The following CARMIL1 variants were observed in gnomAD, a reference collection of about 807,000 sequenced individuals.
CARMIL1 encodes the protein F-actin-uncapping protein LRRC16A.
Under a neutral mutation model 177.1 loss-of-function variants are expected in CARMIL1, and 90 were observed. The observed-to-expected ratio is 0.51, with a 90% CI of 0.43 to 0.61. The LOEUF (loss-of-function observed/expected upper bound fraction) is 0.61. Among genes scored for constraint, CARMIL1 ranks in the 20% least tolerant of loss-of-function variants. The pLI is 0.00. For synonymous variants in CARMIL1, 577 were observed against 606.2 expected (o/e 0.95, Z 0.71); for missense variants, 1,380 against 1,667.0 (o/e 0.83, Z 3.00).
chr6:25,484,765 T>G (rs1231279830), intron 12 of CARMIL1, among the ~76,000 whole-genome samples: 1 of 152,232 alleles, frequency 6.6e-6, no homozygotes, highest in Non-Finnish European at 1.5e-5. Flanking sequence ...GTTTTCTGTT[T>G]ATAGTGTTAA....
chr6:25,454,619 A>G (rs1276425079), intron 8 of CARMIL1, among the ~76,000 whole-genome samples: 3 of 151,988 alleles, frequency 2.0e-5, no homozygotes, highest in African/African-American at 2.4e-5. Flanking sequence ...ACTAAATATT[A>G]AAAAATAGAT....
intron 2 of CARMIL1, among the ~76,000 whole-genome samples, chr6:25,343,045 G>C (rs1471195998): frequency 1.3e-5 from 2 of 152,134 alleles, no homozygotes; most frequent in Admixed American, 6.5e-5. Context: ...GTTTCTTCTT[G>C]TTCTGATGTT....
intron 29 of CARMIL1, chr6:25,563,417 T>C: frequency 1.0e-6 from 1 of 985,308 alleles, no homozygotes; most frequent in Non-Finnish European, 1.2e-6. Flanking sequence ...TGTCTGTATA[T>C]ATGTATGTGA....
At chr6:25,550,372 G>A (rs546631224) in intron 26 of CARMIL1, among the ~76,000 whole-genome samples, 4 of 152,180 alleles carry the variant, frequency 2.6e-5, no homozygotes, top group South Asian at 4.2e-4. Context: ...CTTACCTAAA[G>A]CTTTTCTTTT....
At chr6:25,588,725 G>C (rs1299002422) in intron 31 of CARMIL1, among the ~76,000 whole-genome samples, 2 of 152,174 alleles carry the variant, frequency 1.3e-5, no homozygotes, top group East Asian at 3.8e-4. Context: ...AATTTGCATA[G>C]AGGAGTGGAA....
chr6:25,603,787 C>CT (rs1048636520), intron 33 of CARMIL1, among the ~76,000 whole-genome samples: 12 of 152,042 alleles, frequency 7.9e-5, no homozygotes, highest in African/African-American at 2.2e-4. Context: ...CTTTGTATAT[C>CT]TTTTTTTTGT....
chr6:25,496,216 G>T (rs1326113955), intron 16 of CARMIL1, among the ~76,000 whole-genome samples: 1 of 152,058 alleles, frequency 6.6e-6, no homozygotes, highest in Admixed American at 6.5e-5. Context: ...GGTGGCTCAC[G>T]CCTGTAATCT....
intron 3 of CARMIL1, among the ~76,000 whole-genome samples, chr6:25,421,512 T>A (rs1001551589): frequency 3.3e-5 from 5 of 152,140 alleles, no homozygotes; most frequent in African/African-American, 1.2e-4. Context: ...GACCCAGCCA[T>A]CGCATTACTG....
intron 2 of CARMIL1, among the ~76,000 whole-genome samples, chr6:25,303,832 G>A (rs900754301): frequency 6.6e-6 from 1 of 152,190 alleles, no homozygotes; most frequent in African/African-American, 2.4e-5. Flanking sequence ...TGTTTGTAAA[G>A]GACACGTAAG....
At chr6:25,376,060 G>A (rs927240017) in intron 2 of CARMIL1, among the ~76,000 whole-genome samples, 7 of 152,216 alleles carry the variant, frequency 4.6e-5, no homozygotes, top group Admixed American at 6.5e-5. Context: ...ATAGAACCCC[G>A]TTTTGTCATA....
intron 2 of CARMIL1, among the ~76,000 whole-genome samples, chr6:25,384,324 C>T (rs1482939927): frequency 3.3e-5 from 5 of 152,256 alleles, no homozygotes; most frequent in African/African-American, 7.2e-5. Flanking sequence ...AGCGTTGATG[C>T]TCAGATCCCT....
intron 5 of CARMIL1, among the ~76,000 whole-genome samples, chr6:25,440,313 A>G (rs1231371187): frequency 1.3e-5 from 2 of 152,236 alleles, no homozygotes; most frequent in Non-Finnish European, 2.9e-5. Flanking sequence ...GATGGAGAAA[A>G]TTCAGAGGAG....
At position 25,619,517 on chromosome 6, in the gene CARMIL1, T is replaced by C. The variant is rs1427085427; in HGVS notation, c.4050T>C (p.Asp1350=). 1.5e-5 allele frequency: 24 copies of C among 1,613,808 alleles called. No homozygotes were observed. Among genetic ancestry groups the C allele is most frequent in the Middle Eastern group, 1.6e-4 (1 of 6,062 alleles). The change falls in exon 37 of 37, where the codon GAT becomes GAC. Residue 1350 remains aspartate (D), a synonymous_variant. Transcript: ENST00000329474. ...AAAAGCAACGGTCCTCCAGTAAAGA[T>C]GGCCATCAAGGCAGCAAATCTAATG... ...QEQKQRSSSK[D]GHQGSKSNDS... is the part of the protein sequence containing the mutation.
At chr6:25,441,141 A>C (rs1797704620) in intron 5 of CARMIL1, among the ~76,000 whole-genome samples, 1 of 151,994 alleles carries the variant, frequency 6.6e-6, no homozygotes, top group South Asian at 2.1e-4. Flanking sequence ...GTGAGACCTC[A>C]TTTCTACTAA....
chr6:25,422,708 A>G (rs969305062), intron 3 of CARMIL1, among the ~76,000 whole-genome samples: 4 of 152,210 alleles, frequency 2.6e-5, no homozygotes, highest in African/African-American at 9.6e-5. Context: ...AGGAAATTTT[A>G]TGGGCTTAGG....
chr6:25,547,509 G>A (rs1809625439), intron 26 of CARMIL1, among the ~76,000 whole-genome samples: 1 of 152,146 alleles, frequency 6.6e-6, no homozygotes, highest in African/African-American at 2.4e-5. Flanking sequence ...AATGACAGAA[G>A]TAGCACTGAA....
rs916034281 is a variant in CARMIL1, at chr6:25,558,359, G to A, written c.2742+1509G>A. 6.6e-6 allele frequency among the ~76,000 whole-genome samples: 1 copy of A among 152,204 alleles called. No individual in the cohort carries two copies. Among genetic ancestry groups the A allele is most frequent in the Non-Finnish European group, 1.5e-5 (1 of 68,030 alleles). ...ATGATGTGGTTTGGAATGAGGAAAA[G>A]TTGGTTATGAAAGACTGGCTCACCT... On this transcript the variant is annotated intron_variant, in intron 29 of 36. Coordinates refer to ENST00000329474, the MANE Select transcript of CARMIL1 (RefSeq NM_017640.6). This position sits in a 1 kb window ranked among gnomAD's most constrained non-coding sequence, Gnocchi z 4.1.
At chr6:25,434,667 G>A (rs1025690033) in intron 4 of CARMIL1, among the ~76,000 whole-genome samples, 3 of 151,788 alleles carry the variant, frequency 2.0e-5, no homozygotes, top group African/African-American at 4.8e-5. Context: ...GGGATTACAT[G>A]GGATTACAGG....
chr6:25,434,714 G>A (rs1797086610), intron 4 of CARMIL1, among the ~76,000 whole-genome samples: 1 of 149,764 alleles, frequency 6.7e-6, no homozygotes, highest in South Asian at 2.1e-4. Flanking sequence ...TTGTATTTTT[G>A]TATTTTTTTT....
Sources: allele counts gnomAD v4.1 joint callset (sites outside exome capture counted in the v4.1 genomes callset), GRCh38; gene constraint gnomAD v4.1.1; non-coding constraint Gnocchi (gnomAD v3.1); transcripts MANE v1.5; gene names NCBI Gene and HGNC (gene_info 2026-07-23, HGNC 2026-07-21).